Variants in ZMAT4 observed in about 807,000 individuals in gnomAD.
ZMAT4 encodes the protein zinc finger matrin-type protein 4.
Under a neutral mutation model 28.7 loss-of-function variants are expected in ZMAT4, and 17 were observed. The ratio of observed to expected loss-of-function variants is 0.59; its 90% CI spans 0.41 to 0.89. The LOEUF (loss-of-function observed/expected upper bound fraction) is 0.89. ZMAT4 is among the 40% of genes least tolerant of loss of function. ZMAT4 has a pLI of 0.00. For missense variants in ZMAT4, 240 were observed against 283.8 expected (o/e 0.85, Z 1.11); for synonymous variants, 117 against 109.2 (o/e 1.07, Z -0.44).
intron 6 of ZMAT4, among the ~76,000 whole-genome samples, chr8:40,567,876 A>C (rs1296841694): frequency 2.0e-5 from 3 of 152,180 alleles, no homozygotes; most frequent in Admixed American, 6.5e-5. Context: ...CATTTATCAA[A>C]TGTCATCACT....
intron 2 of ZMAT4, among the ~76,000 whole-genome samples, chr8:40,781,000 C>A (rs1444810395): frequency 6.6e-6 from 1 of 152,296 alleles, no homozygotes. Context: ...TTGCCACTTC[C>A]ATTTGACACT....
At chr8:40,847,354 G>A (rs958878182) in intron 1 of ZMAT4, among the ~76,000 whole-genome samples, 11 of 152,154 alleles carry the variant, frequency 7.2e-5, no homozygotes, top group South Asian at 6.2e-4. Flanking sequence ...ATTAAACAAC[G>A]TGTTACCCAG....
chr8:40,546,329 C>T (rs554141333), intron 6 of ZMAT4, among the ~76,000 whole-genome samples: 2 of 151,592 alleles, frequency 1.3e-5, no homozygotes, highest in East Asian at 3.9e-4. Flanking sequence ...AAATCATCTT[C>T]AAATGCATCC....
At chr8:40,576,008 T>G (rs1585705314) in intron 6 of ZMAT4, among the ~76,000 whole-genome samples, 1 of 151,408 alleles carries the variant, frequency 6.6e-6, no homozygotes, top group East Asian at 1.9e-4. Context: ...ACAAATTCAA[T>G]GAATAAAATA....
At chr8:40,802,132 T>G (rs1814876028) in intron 2 of ZMAT4, among the ~76,000 whole-genome samples, 1 of 152,210 alleles carries the variant, frequency 6.6e-6, no homozygotes, top group African/African-American at 2.4e-5. Flanking sequence ...TACATAACAG[T>G]GAGGAATTCA....
Position 40,823,030 on chromosome 8 carries a change from T to A in ZMAT4, c.102+2545A>T, listed in dbSNP as rs555041148. 2.0e-3 allele frequency among the ~76,000 whole-genome samples: 307 copies of A among 152,246 alleles called. 1 individual carries two copies. The highest frequency in any genetic ancestry group is 7.1e-3 in the African/African-American group (296 of 41,538). ...AAACACTTCATTGAGCAGCTGAATT[T>A]TTTTCTTCCTTTAAACAATTTTTCA... On this transcript the variant is annotated intron_variant, in intron 2 of 6. Coordinates refer to ENST00000297737, the MANE Select transcript of ZMAT4 (RefSeq NM_024645.3).
chr8:40,826,857 T>C (rs2150613803), intron 1 of ZMAT4, among the ~76,000 whole-genome samples: 1 of 152,300 alleles, frequency 6.6e-6, no homozygotes, highest in South Asian at 2.1e-4. Flanking sequence ...AAGGATCTCA[T>C]GTTACCACCC....
Position 40,808,122 on chromosome 8 carries a change from C to G in ZMAT4, c.102+17453G>C, listed in dbSNP as rs544414311. On this transcript the variant is annotated intron_variant, in intron 2 of 6. Transcript: ENST00000297737. ...TGATAGGGTACAGGTCAAATTATGTCTCTGGATCATCATAATTATATAGAT... is the reference window on the plus strand; with the variant it reads ...TGATAGGGTACAGGTCAAATTATGTGTCTGGATCATCATAATTATATAGAT... 2.0e-5 allele frequency among the ~76,000 whole-genome samples: 3 copies of G among 152,202 alleles called. No individual in the cohort carries two copies. In the South Asian group the frequency reaches 6.2e-4, roughly 32 times the overall value.
At chr8:40,654,599 A>C (rs1185665446) in intron 5 of ZMAT4, among the ~76,000 whole-genome samples, 1 of 152,126 alleles carries the variant, frequency 6.6e-6, no homozygotes, top group Non-Finnish European at 1.5e-5. Context: ...AAACCTAAAA[A>C]TGATAATGCA....
intron 1 of ZMAT4, among the ~76,000 whole-genome samples, chr8:40,862,231 T>C (rs1037211570): frequency 2.6e-5 from 4 of 152,076 alleles, no homozygotes; most frequent in South Asian, 2.1e-4. Flanking sequence ...CATGGAATAC[T>C]ATGCAGCCAT....
In ZMAT4 at chr8:40,750,039, A is replaced by G. The variant is rs934888342; in HGVS notation, c.192+17602T>C. Among the ~76,000 whole-genome samples the G allele has an allele frequency of 3.9e-5, 6 of 152,218 alleles. No individual in the cohort carries two copies. In the East Asian group the frequency reaches 9.6e-4, roughly 24 times the overall value. ...ACTGCAAATTAGTAGAACTCAGTAC[A>G]TCACTCCTATTTTTAAATGTATTTT... On this transcript the variant is annotated intron_variant, in intron 3 of 6. Transcript: ENST00000297737.
At chr8:40,641,685 T>C (rs1807033484) in intron 5 of ZMAT4, among the ~76,000 whole-genome samples, 1 of 152,214 alleles carries the variant, frequency 6.6e-6, no homozygotes, top group South Asian at 2.1e-4. Context: ...TTTATTCTTA[T>C]TATTTTAATT....
intron 1 of ZMAT4, among the ~76,000 whole-genome samples, chr8:40,835,460 T>G (rs78989960): frequency 6.6e-6 from 1 of 152,222 alleles, no homozygotes; most frequent in African/African-American, 2.4e-5. Context: ...ATTGGCTACC[T>G]GAGTGAAGCA....
At chr8:40,754,411 A>G (rs1267231291) in intron 3 of ZMAT4, among the ~76,000 whole-genome samples, 1 of 152,170 alleles carries the variant, frequency 6.6e-6, no homozygotes, top group Non-Finnish European at 1.5e-5. Flanking sequence ...AGTTATAACT[A>G]TGATATATAT....
At chr8:40,665,911 T>TA (rs1361666035) in intron 5 of ZMAT4, among the ~76,000 whole-genome samples, 1 of 152,198 alleles carries the variant, frequency 6.6e-6, no homozygotes, top group Non-Finnish European at 1.5e-5. Flanking sequence ...CAGCTCAGCT[T>TA]ACGGTTCTTG....
intron 2 of ZMAT4, chr8:40,786,648 C>G: frequency 1.6e-6 from 2 of 1,253,528 alleles, no homozygotes; most frequent in Non-Finnish European, 2.1e-6. Flanking sequence ...AACATCCATT[C>G]ATTAACCATC....
intron 2 of ZMAT4, among the ~76,000 whole-genome samples, chr8:40,771,403 A>C (rs1283130004): frequency 6.6e-6 from 1 of 151,758 alleles, no homozygotes; most frequent in Non-Finnish European, 1.5e-5. Context: ...TTTTATTTTT[A>C]TAACAAATTT....
intron 5 of ZMAT4, among the ~76,000 whole-genome samples, chr8:40,603,254 G>C (rs1453246529): frequency 6.6e-6 from 1 of 152,148 alleles, no homozygotes; most frequent in Non-Finnish European, 1.5e-5. Context: ...CTTTATTTCT[G>C]AGTTCTCTAT....
intron 5 of ZMAT4, among the ~76,000 whole-genome samples, chr8:40,652,273 G>A (rs1223528647): frequency 9.9e-6 from 1 of 101,042 alleles, no homozygotes; most frequent in East Asian, 3.2e-4. Context: ...GTGGGTGAAG[G>A]ACATGAACAG....
Sources: gnomAD v4.1 joint callset for allele counts (sites outside exome capture counted in the v4.1 genomes callset) on GRCh38, gnomAD v4.1.1 for gene constraint, MANE v1.5 for transcripts, NCBI Gene and HGNC (gene_info 2026-07-23, HGNC 2026-07-21) for gene names.